The following AARSD1 variants were observed in gnomAD, a reference collection of about 807,000 sequenced individuals.
AARSD1 encodes alanyl-tRNA synthetase domain containing 1.
A neutral mutation model predicts 48.7 loss-of-function variants in AARSD1; 44 were observed. The observed-to-expected ratio is 0.90, with a 90% CI of 0.71 to 1.16. AARSD1 has a LOEUF of 1.16. Among genes scored for constraint, AARSD1 ranks in the 50% most tolerant of loss-of-function variants. The pLI is 0.00. For missense variants in AARSD1, 511 were observed against 523.1 expected, an observed-to-expected ratio of 0.98 and a Z score of 0.23; for synonymous variants, 189 against 194.9, an observed-to-expected ratio of 0.97 and a Z score of 0.25.
chr17:42,952,035 G>A, intron 10 of AARSD1, 141 bp from the exon 11 acceptor site: 3 of 961,110 alleles, frequency 3.1e-6, no homozygotes, highest in Non-Finnish European at 4.6e-6. Flanking sequence ...TGATGATACA[G>A]CCCCTCCACA....
intron 3 of AARSD1, among the ~76,000 whole-genome samples, chr17:42,960,709 GAAACTCTGTGTCAAAAAAAA>G (rs1474803022): frequency 7.0e-6 from 1 of 143,542 alleles, no homozygotes; most frequent in Non-Finnish European, 1.5e-5. Flanking sequence ...GTGACAGAGC[GAAACTCTGTGTCAAAAAAAA>G]AAAAAAAAAA....
At chr17:42,957,113 A>G (rs2049567977) in intron 4 of AARSD1, 25 bp downstream of exon 4, 4 of 1,612,300 alleles carry the variant, frequency 2.5e-6, no homozygotes, top group Non-Finnish European at 2.5e-6. Context: ...GCCTGCCTAC[A>G]GTTAGTCTTA....
chr17:42,958,838 G>GATTACA (rs2049593218), intron 3 of AARSD1, among the ~76,000 whole-genome samples: 1 of 150,712 alleles, frequency 6.6e-6, no homozygotes, highest in African/African-American at 2.4e-5. Context: ...AAGTGCCTGG[G>GATTACA]ATTACAGGCA....
Position 42,959,809 on chromosome 17 carries a change from G to A in AARSD1, c.331+1383C>T, listed in dbSNP as rs899895058. Among the ~76,000 whole-genome samples, 12 of 151,520 alleles carry A rather than the reference G, an allele frequency of 7.9e-5. 1 individual carries two copies. The highest frequency in any genetic ancestry group is 4.0e-4 in the East Asian group (2 of 5,030). On this transcript the variant is annotated intron_variant, in intron 3 of 11. Coordinates refer to ENST00000427569, the MANE Select transcript of AARSD1 (RefSeq NM_001261434.2). ...CTCCTGAGCAGCTAGGACTACAGGC[G>A]CGCATCACCATGCCTGGCTAATTTT... is the stretch of plus-strand genomic sequence containing the variant.
At chr17:42,952,358 T>G (rs2049490735) in intron 10 of AARSD1, among the ~76,000 whole-genome samples, 1 of 152,120 alleles carries the variant, frequency 6.6e-6, no homozygotes, top group Admixed American at 6.6e-5. Flanking sequence ...ACTCTATCAT[T>G]CTGAATTATA....
rs73307503 is a variant in AARSD1, at chr17:42,950,808, C to T, written c.1104-80G>A. The T allele has an allele frequency of 2.9e-4, 446 of 1,534,362 alleles. No homozygotes were observed. The African/African-American group carries it at 5.5e-3, about 19-fold the overall frequency. On this transcript the variant is annotated intron_variant, in intron 11 of 11. Coordinates refer to ENST00000427569, the MANE Select transcript of AARSD1 (RefSeq NM_001261434.2). ...ACAAGGGCAGCTCTGAGTCTTTTTC[C>T]AGGGACTGGGAGAGGGATAAGAAGA...
chr17:42,961,344 T>TC lies in AARSD1; in HGVS notation c.178dup (p.Asp60GlyfsTer7). 6.2e-7 allele frequency: 1 copy of TC among 1,613,984 alleles called. No individual in the cohort carries two copies. Among genetic ancestry groups the TC allele is most frequent in the Non-Finnish European group, 8.5e-7 (1 of 1,179,976 alleles). On this transcript the variant is annotated frameshift_variant, in exon 3 of 12. Transcript: ENST00000427569. LOFTEE classifies it high-confidence loss of function. ...AGAGATGTCATTGATTGTACCACGG[T>TC]CATCAGGCTGGTGGAAATAAGTAAA...
In AARSD1 at chr17:42,956,543, C is replaced by A. The variant is rs765830178; in HGVS notation, c.407G>T (p.Arg136Leu). 2.0e-5 allele frequency: 32 copies of A among 1,612,460 alleles called. No homozygotes were observed. The highest frequency in any genetic ancestry group is 2.6e-5 in the Non-Finnish European group (31 of 1,179,330). The change falls in exon 5 of 12, where the codon CGG becomes CTG. Residue 136 changes from arginine (R) to leucine (L), a missense_variant. Arg to Leu is a moderately radical substitution (Grantham distance 102). Coordinates refer to ENST00000427569, the MANE Select transcript of AARSD1 (RefSeq NM_001261434.2). ...GGGGGTGTCCAGCTCAATCGCACTC[C>A]GAAATCTCCCTAACTCCCTGTCAGA... ...KTTSWELGRF[R>L]SAIELDTPSM... is the part of the protein sequence containing the mutation.
In AARSD1 at chr17:42,955,898, C is replaced by T. The variant is rs777537983; in HGVS notation, c.738G>A (p.Val246=). 1 of 1,614,128 alleles carries T rather than the reference C, an allele frequency of 6.2e-7. No homozygotes were observed. The highest frequency in any genetic ancestry group is 1.1e-5 in the South Asian group (1 of 91,080). ...TNLIFLSGNR[V]LKWMERSHGT... is the part of the protein sequence containing the mutation. ...CATGACTTCTCTCCATCCACTTCAGCACCCGGTTCCCAGACAGAAATATCA... is the reference window on the plus strand; with the variant it reads ...CATGACTTCTCTCCATCCACTTCAGTACCCGGTTCCCAGACAGAAATATCA... The change falls in exon 7 of 12, where the codon GTG becomes GTA. Residue 246 remains valine (V), a synonymous_variant. Transcript: ENST00000427569.
intron 3 of AARSD1, among the ~76,000 whole-genome samples, chr17:42,959,789 G>A (rs868039662): frequency 3.3e-5 from 5 of 151,454 alleles, no homozygotes; most frequent in Non-Finnish European, 7.4e-5. Context: ...TCAGCCTCCT[G>A]AGCAGCTAGG....
intron 4 of AARSD1, 33 bp downstream of exon 4, chr17:42,957,105 C>T: frequency 1.2e-6 from 2 of 1,611,606 alleles, no homozygotes; most frequent in Non-Finnish European, 1.7e-6. Flanking sequence ...TGGGATGGGC[C>T]TGCCTACAGT....
intron 4 of AARSD1, 64 bp from the exon 5 acceptor site, chr17:42,956,624 TC>T (rs1355912138): frequency 4.6e-6 from 6 of 1,291,958 alleles, no homozygotes; most frequent in African/African-American, 1.5e-5. Context: ...TGAAAGCTTT[TC>T]CTCTAAAAAC....
chr17:42,964,316 T>C (rs1403975283), intron 1 of AARSD1, 79 bp from the exon 2 acceptor site: 3 of 1,603,866 alleles, frequency 1.9e-6, no homozygotes, highest in Non-Finnish European at 2.6e-6. Context: ...CAGAATGCCA[T>C]GTTGGCACTC....
intron 3 of AARSD1, chr17:42,957,476 C>CTT (rs1165420812): frequency 0.06 from 4,970 of 82,924 alleles, 126 homozygotes; most frequent in East Asian, 0.076. Flanking sequence ...ACTTAACTTC[C>CTT]TTTTTTTTTT....
chr17:42,951,718 G>T, intron 11 of AARSD1, 82 bp downstream of exon 11: 1 of 1,451,238 alleles, frequency 6.9e-7, no homozygotes. Flanking sequence ...TCGCAGATGT[G>T]ATGGTCCTTT....
At chr17:42,957,038 A>G (rs1028321810) in intron 4 of AARSD1, 100 bp downstream of exon 4, 25 of 1,401,804 alleles carry the variant, frequency 1.8e-5, no homozygotes, top group Admixed American at 1.1e-4. Context: ...ACAGCTCACC[A>G]CAGCCTTAAT....
chr17:42,953,178 C>A (rs1277810118), intron 10 of AARSD1, among the ~76,000 whole-genome samples: 1 of 151,980 alleles, frequency 6.6e-6, no homozygotes, highest in South Asian at 2.1e-4. Flanking sequence ...TAGGGTTTTA[C>A]CATGTTGCCC....
chr17:42,955,055 C>A (rs2049528699), intron 8 of AARSD1, 88 bp from the exon 9 acceptor site: 1 of 1,611,012 alleles, frequency 6.2e-7, no homozygotes, highest in East Asian at 2.2e-5. Context: ...TCCCCTCACT[C>A]CCACTTTGAC....
intron 2 of AARSD1, among the ~76,000 whole-genome samples, chr17:42,963,871 C>T (rs574568055): frequency 6.6e-6 from 1 of 152,220 alleles, no homozygotes; most frequent in Admixed American, 6.6e-5. Context: ...ATAAACATTC[C>T]ACGTATATAA....
Sources: allele counts gnomAD v4.1 joint callset (sites outside exome capture counted in the v4.1 genomes callset), GRCh38; gene constraint gnomAD v4.1.1; transcripts MANE v1.5; gene names NCBI Gene and HGNC (gene_info 2026-07-23, HGNC 2026-07-21).